CFDP1: variants seen among roughly 807,000 people sequenced by gnomAD.
CFDP1 encodes chromatin remodeling protein CFDP1, also known as heterochromatin-stabilizing protein CFDP1.
CFDP1 carries 31 observed loss-of-function variants against 40.1 expected under a neutral mutation model. The observed-to-expected ratio is 0.77, with a 90% CI of 0.58 to 1.04. The LOEUF (loss-of-function observed/expected upper bound fraction) is 1.04, where lower values mean the gene tolerates loss of function less well. Ranked by LOEUF, CFDP1 falls within the 50% of genes least tolerant of loss-of-function variation. CFDP1 has a pLI of 0.00. For missense variants in CFDP1, 423 were observed against 343.4 expected, an observed-to-expected ratio of 1.23 and a Z score of -1.83; for synonymous variants, 167 against 120.0, an observed-to-expected ratio of 1.39 and a Z score of -2.56.
At chr16:75,335,143 G>C (rs1882595783) in intron 5 of CFDP1, among the ~76,000 whole-genome samples, 1 of 152,042 alleles carries the variant, frequency 6.6e-6, no homozygotes, top group African/African-American at 2.4e-5. Context: ...TCTATTTCAG[G>C]CTGGTCTTAC....
chr16:75,398,815 G>A (rs1323207297), intron 4 of CFDP1, among the ~76,000 whole-genome samples: 2 of 152,138 alleles, frequency 1.3e-5, no homozygotes, highest in African/African-American at 4.8e-5. Flanking sequence ...AGCACTTTGG[G>A]AGGCTGAGGC....
At chr16:75,393,098 G>A (rs2078966007) in intron 5 of CFDP1, among the ~76,000 whole-genome samples, 1 of 152,188 alleles carries the variant, frequency 6.6e-6, no homozygotes, top group African/African-American at 2.4e-5. Context: ...AGGACAGAGG[G>A]CAAGGAATGT....
chr16:75,431,597 C>T lies in CFDP1; in HGVS notation c.64+1692G>A, dbSNP rs555794837. 2.0e-5 allele frequency among the ~76,000 whole-genome samples: 3 copies of T among 152,142 alleles called. No individual in the cohort carries two copies. In the East Asian group the frequency reaches 5.8e-4, roughly 29 times the overall value. On this transcript the variant is annotated intron_variant, in intron 1 of 6. Transcript: ENST00000283882. ...GAGGCCGCATTAAGCAGAGACTGTG[C>T]CACTGCACTCCAGCCTGAGCCACAG... is the stretch of plus-strand genomic sequence containing the variant.
chr16:75,379,350 G>GAC (rs566945557), intron 5 of CFDP1, among the ~76,000 whole-genome samples: 2,347 of 151,454 alleles, frequency 0.015, 58 homozygotes, highest in African/African-American at 0.053. Context: ...AAAAAAGAGA[G>GAC]AGAGAGAGAA....
intron 1 of CFDP1, among the ~76,000 whole-genome samples, chr16:75,416,981 C>T (rs939005937): frequency 6.6e-6 from 1 of 152,076 alleles, no homozygotes; most frequent in African/African-American, 2.4e-5. Context: ...TTACTTCCTC[C>T]TGAACCTAGT....
intron 5 of CFDP1, among the ~76,000 whole-genome samples, chr16:75,313,989 G>A (rs538908557): frequency 6.6e-6 from 1 of 152,156 alleles, no homozygotes; most frequent in Non-Finnish European, 1.5e-5. Flanking sequence ...GGTTCAAGCA[G>A]TTCTTCTGCC....
chr16:75,322,397 T>C (rs11863241), intron 5 of CFDP1, among the ~76,000 whole-genome samples: 2,442 of 152,326 alleles, frequency 0.016, 63 homozygotes, highest in African/African-American at 0.054. Flanking sequence ...TGTTAGGTGA[T>C]TTCATTGTTG....
intron 1 of CFDP1, among the ~76,000 whole-genome samples, chr16:75,431,406 A>G (rs2079413366): frequency 7.9e-6 from 1 of 126,516 alleles, no homozygotes; most frequent in African/African-American, 2.9e-5. Flanking sequence ...GTGAGACGAG[A>G]TCCCGCTACT....
chr16:75,320,219 A>C (rs1042277806), intron 5 of CFDP1, among the ~76,000 whole-genome samples: 1 of 152,204 alleles, frequency 6.6e-6, no homozygotes, highest in Non-Finnish European at 1.5e-5. Flanking sequence ...GAGATGTATG[A>C]ACCCTTAAAC....
At chr16:75,407,291 G>A (rs1044441546) in intron 4 of CFDP1, among the ~76,000 whole-genome samples, 2 of 152,052 alleles carry the variant, frequency 1.3e-5, no homozygotes, top group African/African-American at 4.8e-5. Flanking sequence ...AATTATAAGG[G>A]TAAAAATGCA....
Position 75,315,198 on chromosome 16 carries a change from C to T in CFDP1, c.651-10016G>A, listed in dbSNP as rs147993823. ...TCTACAAAAAATTTGCCGGGTGTGACGGTGTGTGCCTGTAGTCCCAGCTAC... is the reference window on the plus strand; with the variant it reads ...TCTACAAAAAATTTGCCGGGTGTGATGGTGTGTGCCTGTAGTCCCAGCTAC... On this transcript the variant is annotated intron_variant, in intron 5 of 6. Transcript: ENST00000283882. Among the ~76,000 whole-genome samples, 353 of 151,922 alleles carry T rather than the reference C, an allele frequency of 2.3e-3. 1 individual carries two copies. Among genetic ancestry groups the T allele is most frequent in the African/African-American group, 8.2e-3 (340 of 41,470 alleles).
At chr16:75,408,142 G>A (rs1474674209) in intron 4 of CFDP1, among the ~76,000 whole-genome samples, 1 of 151,614 alleles carries the variant, frequency 6.6e-6, no homozygotes, top group Non-Finnish European at 1.5e-5. Context: ...GAGGGAGGGA[G>A]GGAGGGAAGG....
intron 5 of CFDP1, among the ~76,000 whole-genome samples, chr16:75,347,286 G>A (rs2078573871): frequency 7.2e-6 from 1 of 138,316 alleles, no homozygotes; most frequent in African/African-American, 2.6e-5. Flanking sequence ...GGAGGTTACA[G>A]TGAGCCGAGA....
At chr16:75,432,062 C>A (rs1267294761) in intron 1 of CFDP1, among the ~76,000 whole-genome samples, 1 of 151,448 alleles carries the variant, frequency 6.6e-6, no homozygotes, top group Non-Finnish European at 1.5e-5. Flanking sequence ...CAGGCGCGTG[C>A]CACCATGCCC....
chr16:75,327,734 T>G (rs1332857072), intron 5 of CFDP1, among the ~76,000 whole-genome samples: 1 of 152,056 alleles, frequency 6.6e-6, no homozygotes, highest in Non-Finnish European at 1.5e-5. Flanking sequence ...ATTATTATTA[T>G]TATTTTGAGA....
chr16:75,422,197 A>G (rs1052706096), intron 1 of CFDP1, among the ~76,000 whole-genome samples: 2 of 151,898 alleles, frequency 1.3e-5, no homozygotes, highest in Non-Finnish European at 2.9e-5. Flanking sequence ...CCCGTGTTCA[A>G]GCTATTCTCC....
At chr16:75,316,981 T>TAAA (rs2078327471) in intron 5 of CFDP1, among the ~76,000 whole-genome samples, 1 of 151,244 alleles carries the variant, frequency 6.6e-6, no homozygotes. Context: ...AAACTCCGTC[T>TAAA]CAAAAAAAGA....
chr16:75,420,930 C>T (rs2079272034), intron 1 of CFDP1, among the ~76,000 whole-genome samples: 1 of 152,112 alleles, frequency 6.6e-6, no homozygotes, highest in Admixed American at 6.5e-5. Flanking sequence ...AAAACTTTTG[C>T]CTGTTTTCAT....
intron 5 of CFDP1, among the ~76,000 whole-genome samples, chr16:75,354,432 G>C (rs377111520): frequency 6.6e-6 from 1 of 152,106 alleles, no homozygotes; most frequent in Non-Finnish European, 1.5e-5. Context: ...TGAAGTCCTG[G>C]TCTGCCTAAC....
Sources: gnomAD v4.1 joint callset for allele counts (sites outside exome capture counted in the v4.1 genomes callset) on GRCh38, gnomAD v4.1.1 for gene constraint, MANE v1.5 for transcripts, NCBI Gene and HGNC (gene_info 2026-07-23, HGNC 2026-07-21) for gene names.